The following CAMKK1 variants were observed in gnomAD, a reference collection of about 807,000 sequenced individuals.
CAMKK1 encodes calcium/calmodulin dependent protein kinase kinase 1.
In CAMKK1, 20 loss-of-function variants were observed where a neutral mutation model predicts 63.5. The ratio of observed to expected loss-of-function variants is 0.32; its 90% confidence interval spans 0.22 to 0.46. The LOEUF is 0.46. CAMKK1 is among the 20% of genes least tolerant of loss of function. The pLI is 1.00. For missense variants in CAMKK1, 588 were observed against 658.1 expected, an observed-to-expected ratio of 0.89 and a Z score of 1.17; for synonymous variants, 253 against 269.0, an observed-to-expected ratio of 0.94 and a Z score of 0.58.
rs189446865 is a variant in CAMKK1 at position 3,863,136 on chromosome 17, A to G, written c.1446-853T>C. Among the ~76,000 whole-genome samples, 79 of 152,328 alleles carry G rather than the reference A, an allele frequency of 5.2e-4. No homozygotes were observed. The East Asian group carries it at 0.015, about 29-fold the overall frequency. ...TAAAATAACCAGTAAATGGGTTTTG[A>G]TATCTTTAAAAAGGACCAACTCCAC... On this transcript the variant is annotated intron_variant, in intron 15 of 15. Transcript: ENST00000348335.
Position 3,892,695 on chromosome 17 carries a change from C to T in CAMKK1, c.-44+244G>A, listed in dbSNP as rs917507865. On this transcript the variant is annotated intron_variant, in intron 1 of 15. Transcript: ENST00000348335. The surrounding 1 kb of genome is among the most constrained non-coding windows in gnomAD (Gnocchi z 7.5). Reference sequence around the variant, plus strand: ...AGACAGAAGCGGGGAAGAACGCAGACGGCGGGGCACCCGCGGCGATGCGGT... The same window carrying T: ...AGACAGAAGCGGGGAAGAACGCAGATGGCGGGGCACCCGCGGCGATGCGGT... 5.9e-5 allele frequency among the ~76,000 whole-genome samples: 9 copies of T among 152,172 alleles called. No homozygotes were observed. The highest frequency in any genetic ancestry group is 8.8e-5 in the Non-Finnish European group (6 of 68,004).
chr17:3,867,380 G>C (rs2054573670), intron 14 of CAMKK1, among the ~76,000 whole-genome samples: 1 of 152,192 alleles, frequency 6.6e-6, no homozygotes, highest in African/African-American at 2.4e-5. Context: ...AAACAGGGCG[G>C]GTGGTGGGGC....
chr17:3,884,496 G>A lies in CAMKK1; in HGVS notation c.361-69C>T, dbSNP rs1297461194. 23 of 1,472,542 alleles carry A rather than the reference G, an allele frequency of 1.6e-5. No homozygotes were observed. The highest frequency in any genetic ancestry group is 4.7e-5 in the South Asian group (4 of 85,426). The allele number at this position is 1,472,542 out of a possible 1,614,324, so 91.2% of individuals were successfully genotyped here. On this transcript the variant is annotated intron_variant, in intron 2 of 15. Transcript: ENST00000348335. This position sits in a 1 kb window ranked among gnomAD's most constrained non-coding sequence, Gnocchi z 4.5. ...CAGCACTGCTCCTACCTCAGAGCCC[G>A]TTCAGGGTCCAATTCTGGCCATAAG...
chr17:3,881,809 TGA>T, intron 7 of CAMKK1, 161 bp from the exon 8 acceptor site: 4 of 663,648 alleles, frequency 6.0e-6, no homozygotes, highest in Non-Finnish European at 1.1e-5. Flanking sequence ...AATAAATGCA[TGA>T]GAGTGGGGTC....
intron 15 of CAMKK1, chr17:3,865,692 T>C (rs2054491198): frequency 1.4e-6 from 2 of 1,410,350 alleles, no homozygotes; most frequent in African/African-American, 1.4e-5. Flanking sequence ...TGAGGGATGC[T>C]GGCCCCAGGA....
Position 3,892,778 on chromosome 17 carries a change from C to T in CAMKK1, c.-44+161G>A, listed in dbSNP as rs943196804. On this transcript the variant is annotated intron_variant, in intron 1 of 15. Coordinates refer to ENST00000348335, the MANE Select transcript of CAMKK1 (RefSeq NM_032294.3). The surrounding 1 kb of genome is among the most constrained non-coding windows in gnomAD (Gnocchi z 7.5). ...GCGAGGCACCCCGCAGACCCGGCCC[C>T]GCAGACAGAAGGGGAAGGATCCCCG... 6.6e-6 allele frequency among the ~76,000 whole-genome samples: 1 copy of T among 152,080 alleles called. No individual in the cohort carries two copies. The highest frequency in any genetic ancestry group is 6.5e-5 in the Admixed American group (1 of 15,288).
At chr17:3,872,487 G>T in intron 12 of CAMKK1, 67 bp downstream of exon 12, 1 of 1,390,698 alleles carries the variant, frequency 7.2e-7, no homozygotes, top group Non-Finnish European at 1.0e-6. Context: ...GAGGGCAAAA[G>T]CTCTGCTAAA....
intron 14 of CAMKK1, among the ~76,000 whole-genome samples, chr17:3,866,235 C>T (rs967851185): frequency 2.6e-5 from 4 of 152,156 alleles, no homozygotes; most frequent in East Asian, 1.9e-4. Flanking sequence ...AGGAGGGGGC[C>T]GGGACCAGCC....
chr17:3,875,197 G>A lies in CAMKK1; in HGVS notation c.996+1026C>T, dbSNP rs187535705. Among the ~76,000 whole-genome samples, 507 of 152,254 alleles carry A rather than the reference G, an allele frequency of 3.3e-3. 1 individual carries two copies. The highest frequency in any genetic ancestry group is 5.1e-3 in the Non-Finnish European group (348 of 68,014). ...TGGTGAATCTGGGTAAAAAGATATA[G>A]GGGATTTCTTTGTACTATTCTTCCA... On this transcript the variant is annotated intron_variant, in intron 10 of 15. Coordinates refer to ENST00000348335, the MANE Select transcript of CAMKK1 (RefSeq NM_032294.3).
Position 3,890,756 on chromosome 17 carries a change from TA to T in CAMKK1, c.-44+2182del, listed in dbSNP as rs2055870433. On this transcript the variant is annotated intron_variant, in intron 1 of 15. Coordinates refer to ENST00000348335, the MANE Select transcript of CAMKK1 (RefSeq NM_032294.3). The surrounding 1 kb of genome is among the most constrained non-coding windows in gnomAD (Gnocchi z 6.5). ...ACTCTGTTCTGCTGCCAGGCCTCAG[TA>T]CAAGCTGTGCCTTCTGCCAGGAACA... 1.3e-6 allele frequency: 1 copy of T among 779,794 alleles called. No individual in the cohort carries two copies. The highest frequency in any genetic ancestry group is 2.3e-4 in the Middle Eastern group (1 of 4,442). 48.3% of individuals were successfully genotyped at this position (779,794 alleles called of 1,614,324 possible). A position where few individuals can be genotyped will look rare whatever the true frequency, so the allele number is the denominator to read the frequency against.
chr17:3,876,446 T>G, intron 9 of CAMKK1, 24 bp from the exon 10 acceptor site: 1 of 1,607,698 alleles, frequency 6.2e-7, no homozygotes, highest in Non-Finnish European at 8.5e-7. Flanking sequence ...GAGCTTGAGC[T>G]GAGCGCTGGC....
Position 3,862,240 on chromosome 17 carries a change from C to G in CAMKK1, c.1489G>C (p.Gly497Arg). The change falls in exon 16 of 16, where the codon GGC (glycine) becomes CGC (arginine). Residue 497 changes from glycine (G) to arginine (R), a missense_variant. Transcript: ENST00000348335. This position sits in a 1 kb window ranked among gnomAD's most constrained non-coding sequence, Gnocchi z 4.1. ...GEGGKSPELP[G>R]VQEDEAAS ...GATGCAGCCTCGTCTTCCTGGACGC[C>G]GGGGAGCTCTGGGCTCTTGCCCCCT... 2 of 1,591,134 alleles carry G rather than the reference C, an allele frequency of 1.3e-6. No homozygotes were observed. The highest frequency in any genetic ancestry group is 1.7e-6 in the Non-Finnish European group (2 of 1,168,226).
intron 15 of CAMKK1, chr17:3,865,186 T>C: frequency 2.0e-6 from 2 of 985,632 alleles, no homozygotes; most frequent in Non-Finnish European, 2.4e-6. Context: ...TTTATTATAG[T>C]GAAGAAGGTG....
intron 14 of CAMKK1, among the ~76,000 whole-genome samples, chr17:3,868,551 C>T (rs2054677766): frequency 1.3e-5 from 2 of 152,234 alleles, no homozygotes; most frequent in African/African-American, 4.8e-5. Context: ...TCCTCGGCAC[C>T]TTGTGCAGTG....
rs1453336904 is a variant in CAMKK1 at position 3,892,570 on chromosome 17, C to A, written c.-44+369G>T. ...CGTGGGAGGAGCGCTCCGCGGAGAA[C>A]CGCACGTGGGTGCCCCGGGCCGGGC... On this transcript the variant is annotated intron_variant, in intron 1 of 15. Transcript: ENST00000348335. This position sits in a 1 kb window ranked among gnomAD's most constrained non-coding sequence, Gnocchi z 7.5. Among the ~76,000 whole-genome samples, 1 of 152,166 alleles carries A rather than the reference C, an allele frequency of 6.6e-6. No homozygotes were observed. The highest frequency in any genetic ancestry group is 1.5e-5 in the Non-Finnish European group (1 of 68,024).
chr17:3,885,810 C>A, intron 1 of CAMKK1, 80 bp from the exon 2 acceptor site: 1 of 1,398,426 alleles, frequency 7.2e-7, no homozygotes, highest in Non-Finnish European at 9.7e-7. Context: ...CGCTGTGGGT[C>A]CCACCTCCAT....
chr17:3,866,320 C>T (rs1325075225), intron 14 of CAMKK1, among the ~76,000 whole-genome samples: 4 of 152,244 alleles, frequency 2.6e-5, no homozygotes, highest in Admixed American at 2.0e-4. Context: ...TTAGAAGATA[C>T]CTTCTCGCTA....
rs561471056 is a variant in CAMKK1 at position 3,881,135 on chromosome 17, T to C, written c.707+492A>G. On this transcript the variant is annotated intron_variant, in intron 8 of 15. Transcript: ENST00000348335. ...CCTGAAAAGCCGCATAGGGCAGACATGTGGAAGCCTGGGCTCCATCAGTGA... is the reference window on the plus strand; with the variant it reads ...CCTGAAAAGCCGCATAGGGCAGACACGTGGAAGCCTGGGCTCCATCAGTGA... Among the ~76,000 whole-genome samples, 8 of 152,312 alleles carry C rather than the reference T, an allele frequency of 5.3e-5. No homozygotes were observed. In the South Asian group the frequency reaches 1.4e-3, roughly 28 times the overall value.
intron 10 of CAMKK1, among the ~76,000 whole-genome samples, chr17:3,874,889 A>C (rs2055071301): frequency 6.6e-6 from 1 of 151,310 alleles, no homozygotes; most frequent in South Asian, 2.1e-4. Flanking sequence ...TGGGAGGCCG[A>C]GGCGGGCGGA....
Sources: allele counts gnomAD v4.1 joint callset (sites outside exome capture counted in the v4.1 genomes callset), GRCh38; gene constraint gnomAD v4.1.1; non-coding constraint Gnocchi (gnomAD v3.1); transcripts MANE v1.5; gene names NCBI Gene and HGNC (gene_info 2026-07-23, HGNC 2026-07-21).